Variants in RALY observed in about 807,000 individuals in gnomAD.
RALY encodes RNA-binding protein Raly.
In RALY, 15 loss-of-function variants were observed where a neutral mutation model predicts 30.7. That is an observed-to-expected ratio of 0.49 (90% confidence interval 0.33 to 0.75). The LOEUF is 0.75. Among genes scored for constraint, RALY ranks in the 30% least tolerant of loss-of-function variants. The probability of loss-of-function intolerance (pLI) is 0.02; values close to 1 mark genes in which losing one functional copy is unlikely to be tolerated. For synonymous variants in RALY, 177 were observed against 170.8 expected (o/e 1.04, Z -0.28); for missense variants, 339 against 414.3 (o/e 0.82, Z 1.58).
In RALY at chr20:34,026,794, A is replaced by G. The variant is rs1199266636; in HGVS notation, c.-92-4728A>G. 5.7e-4 allele frequency among the ~76,000 whole-genome samples: 86 copies of G among 152,106 alleles called. 1 individual carries two copies. Among genetic ancestry groups the G allele is most frequent in the Non-Finnish European group, 5.9e-5 (4 of 68,020 alleles). ...CCTTACATCTCCCTTGACTTGTGAAAACAAGAATGGGAAAAGGACACCTTA... is the reference window on the plus strand; with the variant it reads ...CCTTACATCTCCCTTGACTTGTGAAGACAAGAATGGGAAAAGGACACCTTA... On this transcript the variant is annotated intron_variant, in intron 1 of 9. Coordinates refer to ENST00000246194, the MANE Select transcript of RALY (RefSeq NM_016732.3).
chr20:34,019,853 A>C (rs1270313107), intron 1 of RALY, among the ~76,000 whole-genome samples: 2 of 152,204 alleles, frequency 1.3e-5, no homozygotes, highest in East Asian at 3.9e-4. Flanking sequence ...CGAGGTCAGG[A>C]GATCGAGACC....
At chr20:34,053,333 C>T (rs1244624679) in intron 2 of RALY, among the ~76,000 whole-genome samples, 1 of 149,434 alleles carries the variant, frequency 6.7e-6, no homozygotes, top group East Asian at 2.0e-4. Context: ...AGTGATAGAC[C>T]CTTTTCACAA....
chr20:34,076,336 TCACTCTGGTA>T (rs2033877110), intron 6 of RALY: 2 of 511,998 alleles, frequency 3.9e-6, no homozygotes, highest in Admixed American at 3.3e-5. Flanking sequence ...TACTCCACAT[TCACTCTGGTA>T]CACACATGCT....
At chr20:34,051,399 C>T (rs901299052) in intron 2 of RALY, among the ~76,000 whole-genome samples, 3 of 152,164 alleles carry the variant, frequency 2.0e-5, no homozygotes, top group East Asian at 1.9e-4. Flanking sequence ...TACTTGGCCT[C>T]TCTGAGCTCA....
chr20:34,073,955 A>G, intron 5 of RALY, 89 bp downstream of exon 5: 1 of 1,433,358 alleles, frequency 7.0e-7, no homozygotes, highest in South Asian at 1.2e-5. Flanking sequence ...GAGTTCTCCA[A>G]ATGAGAACCA....
intron 2 of RALY, among the ~76,000 whole-genome samples, chr20:34,064,141 A>G (rs879454658): frequency 2.0e-5 from 3 of 152,156 alleles, no homozygotes; most frequent in African/African-American, 4.8e-5. Flanking sequence ...GAGGTTGACA[A>G]TCATTTGTAG....
chr20:34,053,559 G>A (rs147105628), intron 2 of RALY, among the ~76,000 whole-genome samples: 78 of 151,662 alleles, frequency 5.1e-4, no homozygotes, highest in African/African-American at 1.8e-3. Context: ...CACCATGCCC[G>A]GCTAATTTTT....
chr20:34,003,228 T>C (rs2030998851), intron 1 of RALY, among the ~76,000 whole-genome samples: 1 of 152,328 alleles, frequency 6.6e-6, no homozygotes, highest in Admixed American at 6.5e-5. Context: ...GGAGATGTCA[T>C]CTTCTCTCTC....
chr20:34,027,792 A>G (rs561674761), intron 1 of RALY, among the ~76,000 whole-genome samples: 1 of 152,396 alleles, frequency 6.6e-6, no homozygotes, highest in South Asian at 2.1e-4. Context: ...AAGAAGAACC[A>G]TAAAAGACCT....
intron 1 of RALY, among the ~76,000 whole-genome samples, chr20:34,020,382 A>G (rs994088244): frequency 6.6e-6 from 1 of 152,222 alleles, no homozygotes; most frequent in Non-Finnish European, 1.5e-5. Context: ...TGAGGATGTT[A>G]GGGAACAGCA....
At chr20:34,043,062 G>T (rs572778494) in intron 2 of RALY, among the ~76,000 whole-genome samples, 2 of 152,372 alleles carry the variant, frequency 1.3e-5, no homozygotes, top group East Asian at 3.9e-4. Context: ...TCTGCTCAGG[G>T]AACAGATGTG....
At chr20:34,024,317 A>G (rs2031938421) in intron 1 of RALY, among the ~76,000 whole-genome samples, 1 of 152,120 alleles carries the variant, frequency 6.6e-6, no homozygotes, top group Non-Finnish European at 1.5e-5. Context: ...GAACCATCCA[A>G]CTGTCTCATT....
At chr20:34,018,074 CA>C (rs1287500655) in intron 1 of RALY, among the ~76,000 whole-genome samples, 1 of 152,142 alleles carries the variant, frequency 6.6e-6, no homozygotes, top group African/African-American at 2.4e-5. Flanking sequence ...GGAACCAGCA[CA>C]AACAAAAGCA....
intron 1 of RALY, among the ~76,000 whole-genome samples, chr20:34,015,769 A>G (rs1440857983): frequency 1.3e-5 from 2 of 152,142 alleles, no homozygotes; most frequent in Non-Finnish European, 2.9e-5. Context: ...TTTCTCATGC[A>G]TACAGGTGTA....
intron 2 of RALY, among the ~76,000 whole-genome samples, chr20:34,062,412 C>T (rs1216998511): frequency 1.3e-5 from 2 of 152,226 alleles, no homozygotes; most frequent in Non-Finnish European, 1.5e-5. Context: ...TTTCAGACAG[C>T]CCACATGATA....
intron 9 of RALY, among the ~76,000 whole-genome samples, chr20:34,079,492 T>C (rs2268089): frequency 0.62 from 94,712 of 152,076 alleles, 30,771 homozygotes; most frequent in South Asian, 0.85. Flanking sequence ...GGTGTCTGGA[T>C]AGATGACACA....
rs537056345 is a variant in RALY, at chr20:34,053,256, T to G, written c.-9-18810T>G. Among the ~76,000 whole-genome samples, 11 of 152,174 alleles carry G rather than the reference T, an allele frequency of 7.2e-5. No homozygotes were observed. The East Asian group carries it at 1.9e-3, about 27-fold the overall frequency. On this transcript the variant is annotated intron_variant, in intron 2 of 9. Coordinates refer to ENST00000246194, the MANE Select transcript of RALY (RefSeq NM_016732.3). ...CCCGTGACATAGAGGTTCTTTTCCATGTATCATATGAGGACGTTAAGGTTC... is the reference window on the plus strand; with the variant it reads ...CCCGTGACATAGAGGTTCTTTTCCAGGTATCATATGAGGACGTTAAGGTTC...
chr20:34,071,831 A>C (rs929428775), intron 2 of RALY, among the ~76,000 whole-genome samples: 1 of 152,210 alleles, frequency 6.6e-6, no homozygotes, highest in Non-Finnish European at 1.5e-5. Flanking sequence ...GTGGTTCTGC[A>C]TATCATGTGA....
chr20:34,044,387 C>T (rs1389558803), intron 2 of RALY, among the ~76,000 whole-genome samples: 2 of 151,112 alleles, frequency 1.3e-5, no homozygotes, highest in South Asian at 2.1e-4. Flanking sequence ...ATGGCAATGG[C>T]GTGATTTTGG....
Sources: gnomAD v4.1 joint callset for allele counts (sites outside exome capture counted in the v4.1 genomes callset) on GRCh38, gnomAD v4.1.1 for gene constraint, MANE v1.5 for transcripts, NCBI Gene and HGNC (gene_info 2026-07-23, HGNC 2026-07-21) for gene names.